The following TP53INP2 variants were observed in gnomAD, a reference collection of about 807,000 sequenced individuals.
The protein encoded by TP53INP2 is tumor protein p53-inducible nuclear protein 2.
A neutral mutation model predicts 17.1 loss-of-function variants in TP53INP2; 12 were observed. The ratio of observed to expected loss-of-function variants is 0.70; its 90% CI spans 0.45 to 1.14. The LOEUF (loss-of-function observed/expected upper bound fraction) is 1.14, where lower values mean the gene tolerates loss of function less well. Among genes scored for constraint, TP53INP2 ranks in the 50% most tolerant of loss-of-function variants. The pLI, the probability that TP53INP2 is intolerant of heterozygous loss-of-function variation, is 0.00. For missense variants in TP53INP2, 342 were observed against 330.9 expected (o/e 1.03, Z -0.26); for synonymous variants, 145 against 147.3 (o/e 0.98, Z 0.12).
chr20:34,709,642 C>T lies in TP53INP2; in HGVS notation c.413+118C>T. On this transcript the variant is annotated intron_variant, in intron 4 of 4. Coordinates refer to ENST00000374810, the MANE Select transcript of TP53INP2 (RefSeq NM_021202.3). The surrounding 1 kb of genome is among the most constrained non-coding windows in gnomAD (Gnocchi z 5.4). ...GCCCGCCCCGCGCTCGAGGGGGTAGCGGCCTTGGGAGGGTTGCCTTTGAGA... is the reference window on the plus strand; with the variant it reads ...GCCCGCCCCGCGCTCGAGGGGGTAGTGGCCTTGGGAGGGTTGCCTTTGAGA... 1.4e-6 allele frequency: 2 copies of T among 1,445,178 alleles called. No homozygotes were observed. The highest frequency in any genetic ancestry group is 9.0e-7 in the Non-Finnish European group (1 of 1,106,584). 89.5% of individuals were successfully genotyped at this position (1,445,178 alleles called of 1,614,324 possible). A position where few individuals can be genotyped will look rare whatever the true frequency, so the allele number is the denominator to read the frequency against.
At position 34,704,522 on chromosome 20, in the gene TP53INP2, G is replaced by A. The variant is rs1987961030; in HGVS notation, c.-167+10G>A. 6.6e-6 allele frequency: 1 copy of A among 151,826 alleles called. No individual in the cohort carries two copies. Among genetic ancestry groups the A allele is most frequent in the Non-Finnish European group, 1.5e-5 (1 of 67,938 alleles). 9.4% of individuals were successfully genotyped at this position (151,826 alleles called of 1,614,324 possible). ...CCCCTCCCGCCCCCAGGTGAGTCCC[G>A]ACCCGGGTGGGCCTGGGGGCTCCCC... is the stretch of plus-strand genomic sequence containing the variant. On this transcript the variant is annotated intron_variant, in intron 1 of 4. Transcript: ENST00000374810.
rs201127335 is a variant in TP53INP2 at position 34,710,038 on chromosome 20, G to A, written c.414-20G>A. ...CGCCCAGCTTACCCGGCTTGACCGA[G>A]CCTGGCTCTGTCCTCACAGGGAATT... On this transcript the variant is annotated intron_variant, in intron 4 of 4. Transcript: ENST00000374810. This position sits in a 1 kb window ranked among gnomAD's most constrained non-coding sequence, Gnocchi z 4.9. 14,543 of 1,288,200 alleles carry A rather than the reference G, an allele frequency of 0.011. 98 individuals carry two copies. The highest frequency in any genetic ancestry group is 0.013 in the Non-Finnish European group (13,591 of 1,017,792). 79.8% of individuals were successfully genotyped at this position (1,288,200 alleles called of 1,614,324 possible).
At chr20:34,706,343 CA>C (rs1209485543) in intron 2 of TP53INP2, among the ~76,000 whole-genome samples, 1 of 152,156 alleles carries the variant, frequency 6.6e-6, no homozygotes, top group Non-Finnish European at 1.5e-5. Flanking sequence ...TTCTGATCAT[CA>C]GATTTTAAAA....
chr20:34,705,555 T>C (rs541301851), intron 2 of TP53INP2, 81 bp downstream of exon 2: 1 of 152,322 alleles, frequency 6.6e-6, no homozygotes, highest in South Asian at 2.1e-4. Context: ...CTATTGGCCC[T>C]TTACCTTCCC....
intron 2 of TP53INP2, among the ~76,000 whole-genome samples, chr20:34,706,194 C>T: frequency 6.6e-6 from 1 of 152,124 alleles, no homozygotes; most frequent in East Asian, 1.9e-4. Context: ...CCCTGTACCC[C>T]TGCATCATTG....
At chr20:34,708,651 C>G in intron 2 of TP53INP2, 40 bp from the exon 3 acceptor site, 1 of 1,291,126 alleles carries the variant, frequency 7.7e-7, no homozygotes, top group South Asian at 1.3e-5. Context: ...GTGGGGTGAA[C>G]CTCAATCAGT....
chr20:34,709,433 G>C lies in TP53INP2; in HGVS notation c.322G>C (p.Val108Leu). The C allele has an allele frequency of 6.2e-7, 1 of 1,613,866 alleles. No individual in the cohort carries two copies. Among genetic ancestry groups the C allele is most frequent in the Non-Finnish European group, 8.5e-7 (1 of 1,179,882 alleles). Residue 108 changes from valine (V) to leucine (L), a missense_variant, in exon 4 of 5, where the codon GTT (valine) becomes CTT (leucine). Val to Leu is a conservative substitution (Grantham distance 32). Transcript: ENST00000374810. The surrounding 1 kb of genome is among the most constrained non-coding windows in gnomAD (Gnocchi z 5.4). Reference protein sequence around the residue: ...DLLIEHPSMSVYVTGSTIVLE... With the variant: ...DLLIEHPSMSLYVTGSTIVLE... ...CCTCATCGAGCACCCCAGCATGTCC[G>C]TTTACGTCACCGGCAGCACCATAGT...
chr20:34,710,405 C>A lies in TP53INP2; in HGVS notation c.*98C>A. The A allele has an allele frequency of 1.7e-6, 2 of 1,211,504 alleles. No homozygotes were observed. The highest frequency in any genetic ancestry group is 2.1e-6 in the Non-Finnish European group (2 of 961,426). 75.0% of individuals were successfully genotyped at this position (1,211,504 alleles called of 1,614,324 possible). A position where few individuals can be genotyped will look rare whatever the true frequency, so the allele number is the denominator to read the frequency against. On this transcript the variant is annotated 3_prime_UTR_variant, in exon 5 of 5. Coordinates refer to ENST00000374810, the MANE Select transcript of TP53INP2 (RefSeq NM_021202.3). The surrounding 1 kb of genome is among the most constrained non-coding windows in gnomAD (Gnocchi z 4.9). ...GACACCGAAACCTCCCTTCTTAAAG[C>A]GTGTGAGGTTGGGTGATAGCCGTTC...
At position 34,705,481 on chromosome 20, in the gene TP53INP2, C is replaced by T. The variant is rs890497372; in HGVS notation, c.-50+7C>T. 2 of 152,306 alleles carry T rather than the reference C, an allele frequency of 1.3e-5. No individual in the cohort carries two copies. Among genetic ancestry groups the T allele is most frequent in the Admixed American group, 6.5e-5 (1 of 15,282 alleles). 9.4% of individuals were successfully genotyped at this position (152,306 alleles called of 1,614,324 possible). ...CTGTTTGGATCACAGAGAGGTGAGTCATTGGCTGCCTCGGGGTGTCTCCAG... is the reference window on the plus strand; with the variant it reads ...CTGTTTGGATCACAGAGAGGTGAGTTATTGGCTGCCTCGGGGTGTCTCCAG... On this transcript the variant is annotated splice_region_variant and intron_variant, in intron 2 of 4. Coordinates refer to ENST00000374810, the MANE Select transcript of TP53INP2 (RefSeq NM_021202.3).
Position 34,709,685 on chromosome 20 carries a change from G to A in TP53INP2, c.413+161G>A, listed in dbSNP as rs1988117583. On this transcript the variant is annotated intron_variant, in intron 4 of 4. Transcript: ENST00000374810. This position sits in a 1 kb window ranked among gnomAD's most constrained non-coding sequence, Gnocchi z 5.4. ...CTTTGAGACAAAGTGGGGGGCCGGTGGGCCTCCGGGCGAGGCTAGAAGCGG... is the reference window on the plus strand; with the variant it reads ...CTTTGAGACAAAGTGGGGGGCCGGTAGGCCTCCGGGCGAGGCTAGAAGCGG... 6.6e-6 allele frequency among the ~76,000 whole-genome samples: 1 copy of A among 152,128 alleles called. No individual in the cohort carries two copies. Among genetic ancestry groups the A allele is most frequent in the African/African-American group, 2.4e-5 (1 of 41,432 alleles).
In TP53INP2 at chr20:34,709,316, G is replaced by T; in HGVS notation, c.205G>T (p.Glu69Ter). 6.2e-7 allele frequency: 1 copy of T among 1,613,098 alleles called. No individual in the cohort carries two copies. The highest frequency in any genetic ancestry group is 8.5e-7 in the Non-Finnish European group (1 of 1,179,692). ...RPPPAPSLMD[E>*]SWFVTPPACF... ...TCCGCCCGCGCCCTCCTTGATGGAC[G>T]AGAGCTGGTTTGTTACCCCTCCCGC... Residue 69 changes from glutamate (E) to a stop codon, truncating the protein, a stop_gained, in exon 4 of 5, where the codon GAG becomes TAG. Transcript: ENST00000374810. LOFTEE classifies it high-confidence loss of function. The surrounding 1 kb of genome is among the most constrained non-coding windows in gnomAD (Gnocchi z 5.4).
Position 34,712,400 on chromosome 20 carries a change from C to G in TP53INP2, c.*2093C>G, listed in dbSNP as rs1486359499. 2 of 152,600 alleles carry G rather than the reference C, an allele frequency of 1.3e-5. No individual in the cohort carries two copies. The highest frequency in any genetic ancestry group is 2.9e-5 in the Non-Finnish European group (2 of 68,060). The allele number at this position is 152,600 out of a possible 1,614,324, so 9.5% of individuals were successfully genotyped here. On this transcript the variant is annotated 3_prime_UTR_variant, in exon 5 of 5. Transcript: ENST00000374810. ...GGCATTTGGCTCAAATTTTAAAAGG[C>G]CTTTTGTTTACCTATATTTCTGGAG...
chr20:34,708,815 G>A lies in TP53INP2; in HGVS notation c.76G>A (p.Val26Met). Reference sequence around the variant, plus strand: ...AGACCCCGACTGCCCCCGCGCCTTCGTGTCGGAGGAGGATGAAGTGGACGG... The same window carrying A: ...AGACCCCGACTGCCCCCGCGCCTTCATGTCGGAGGAGGATGAAGTGGACGG... Reference protein sequence around the residue: ...PEDPDCPRAFVSEEDEVDGWL... With the variant: ...PEDPDCPRAFMSEEDEVDGWL... Residue 26 changes from valine to methionine, a missense_variant, in exon 3 of 5, where the codon GTG becomes ATG. Physicochemically the swap from Val to Met is conservative, Grantham distance 21. Coordinates refer to ENST00000374810, the MANE Select transcript of TP53INP2 (RefSeq NM_021202.3). 2.5e-6 allele frequency: 4 copies of A among 1,611,920 alleles called. No individual in the cohort carries two copies. The highest frequency in any genetic ancestry group is 2.2e-5 in the East Asian group (1 of 44,652).
intron 2 of TP53INP2, among the ~76,000 whole-genome samples, chr20:34,706,724 T>C (rs766753298): frequency 3.3e-5 from 5 of 152,168 alleles, no homozygotes; most frequent in Non-Finnish European, 7.3e-5. Flanking sequence ...TGTGAAAACA[T>C]TTCTAGGGAA....
rs1988229803 is a variant in TP53INP2 at position 34,712,560 on chromosome 20, C to G, written c.*2253C>G. 6.6e-6 allele frequency: 1 copy of G among 152,642 alleles called. No homozygotes were observed. The highest frequency in any genetic ancestry group is 6.5e-5 in the Admixed American group (1 of 15,284). 9.5% of individuals were successfully genotyped at this position (152,642 alleles called of 1,614,324 possible). A position where few individuals can be genotyped will look rare whatever the true frequency, so the allele number is the denominator to read the frequency against. Reference sequence around the variant, plus strand: ...GTGTATAGATTTCTAAGAACCAACACTACTCAGTCTCCTGCTAGTCTGACT... The same window carrying G: ...GTGTATAGATTTCTAAGAACCAACAGTACTCAGTCTCCTGCTAGTCTGACT... On this transcript the variant is annotated 3_prime_UTR_variant, in exon 5 of 5. Coordinates refer to ENST00000374810, the MANE Select transcript of TP53INP2 (RefSeq NM_021202.3).
Position 34,709,478 on chromosome 20 carries a change from TC to T in TP53INP2, c.371del (p.Pro124ArgfsTer17). On this transcript the variant is annotated frameshift_variant, in exon 4 of 5. Transcript: ENST00000374810. LOFTEE classifies it high-confidence loss of function. The surrounding 1 kb of genome is among the most constrained non-coding windows in gnomAD (Gnocchi z 5.4). ...CATAGTGCTAGAGCCCGGGTCCCCT[TC>T]CCCGCTCCCGGACGCGGCCCTGCCT... ...STIVLEPGSP[S>X]PLPDAALPDG... 1 of 1,612,540 alleles carries T rather than the reference TC, an allele frequency of 6.2e-7. No individual in the cohort carries two copies. Among genetic ancestry groups the T allele is most frequent in the Non-Finnish European group, 8.5e-7 (1 of 1,179,820 alleles).
At chr20:34,708,977 G>T in intron 3 of TP53INP2, 114 bp downstream of exon 3, 1 of 1,480,260 alleles carries the variant, frequency 6.8e-7, no homozygotes, top group Non-Finnish European at 9.0e-7. Flanking sequence ...GCCTACTGGA[G>T]GTGGGGTCAC....
chr20:34,709,635 G>C lies in TP53INP2; in HGVS notation c.413+111G>C. 1.4e-6 allele frequency: 2 copies of C among 1,447,692 alleles called. No individual in the cohort carries two copies. The highest frequency in any genetic ancestry group is 1.8e-6 in the Non-Finnish European group (2 of 1,107,834). The allele number at this position is 1,447,692 out of a possible 1,614,324, so 89.7% of individuals were successfully genotyped here. On this transcript the variant is annotated intron_variant, in intron 4 of 4. Transcript: ENST00000374810. The surrounding 1 kb of genome is among the most constrained non-coding windows in gnomAD (Gnocchi z 5.4). Reference sequence around the variant, plus strand: ...GCCAGGAGCCCGCCCCGCGCTCGAGGGGGTAGCGGCCTTGGGAGGGTTGCC... The same window carrying C: ...GCCAGGAGCCCGCCCCGCGCTCGAGCGGGTAGCGGCCTTGGGAGGGTTGCC...
chr20:34,706,281 G>T (rs1988005173), intron 2 of TP53INP2, among the ~76,000 whole-genome samples: 1 of 152,126 alleles, frequency 6.6e-6, no homozygotes, highest in African/African-American at 2.4e-5. Context: ...GTGGGACTAG[G>T]TCTGCCCTGC....
Sources: gnomAD v4.1 joint callset for allele counts (sites outside exome capture counted in the v4.1 genomes callset) on GRCh38, gnomAD v4.1.1 for gene constraint, Gnocchi (gnomAD v3.1) non-coding constraint, MANE v1.5 for transcripts, NCBI Gene and HGNC (gene_info 2026-07-23, HGNC 2026-07-21) for gene names.